The following ATP2C1 variants were observed in gnomAD, a reference collection of about 807,000 sequenced individuals.
ATP2C1 encodes calcium-transporting ATPase type 2C member 1.
In ATP2C1, 31 loss-of-function variants were observed where a neutral mutation model predicts 120.5. The observed-to-expected ratio is 0.26, with a 90% confidence interval of 0.19 to 0.35. The LOEUF is 0.35. Among genes scored for constraint, ATP2C1 ranks in the 10% least tolerant of loss-of-function variants. The probability of loss-of-function intolerance (pLI) is 1.00; values close to 1 mark genes in which losing one functional copy is unlikely to be tolerated. For synonymous variants in ATP2C1, 351 were observed against 358.7 expected, an observed-to-expected ratio of 0.98 and a Z score of 0.24; for missense variants, 731 against 1,107.5, an observed-to-expected ratio of 0.66 and a Z score of 4.83.
Position 131,002,233 on chromosome 3 carries a change from A to C in ATP2C1, c.*883A>C. ...CAAATATCATTTTGTCATCCTCTAA[A>C]TATAAATCCAAATACCTCAGCTAAG... is the stretch of plus-strand genomic sequence containing the variant. On this transcript the variant is annotated 3_prime_UTR_variant, in exon 28 of 28. Transcript: ENST00000510168. 6 of 967,070 alleles carry C rather than the reference A, an allele frequency of 6.2e-6. No homozygotes were observed. The highest frequency in any genetic ancestry group is 7.4e-6 in the Non-Finnish European group (6 of 813,268). The allele number at this position is 967,070 out of a possible 1,614,324, so 59.9% of individuals were successfully genotyped here.
intron 2 of ATP2C1, among the ~76,000 whole-genome samples, chr3:130,917,719 A>G (rs775371035): frequency 5.1e-4 from 77 of 152,242 alleles, no homozygotes; most frequent in Non-Finnish European, 1.0e-3. Flanking sequence ...ATTGTTGGCT[A>G]TAGGTACAAT....
chr3:130,875,786 G>A (rs2068581404), intron 1 of ATP2C1, among the ~76,000 whole-genome samples: 1 of 151,510 alleles, frequency 6.6e-6, no homozygotes, highest in African/African-American at 2.4e-5. Context: ...GCATTTGTTA[G>A]TTTTTGTCTT....
chr3:130,866,896 C>T (rs1269514887), intron 1 of ATP2C1, among the ~76,000 whole-genome samples: 1 of 152,126 alleles, frequency 6.6e-6, no homozygotes, highest in Non-Finnish European at 1.5e-5. Flanking sequence ...TTCTGGCAAC[C>T]TTGCATTGAG....
intron 20 of ATP2C1, among the ~76,000 whole-genome samples, chr3:130,981,494 A>G (rs1012680873): frequency 6.6e-6 from 1 of 152,244 alleles, no homozygotes; most frequent in African/African-American, 2.4e-5. Context: ...GATGCTGTCA[A>G]CATTTGTGTA....
At chr3:131,009,282 A>G (rs2063225839) in intron 26 of ATP2C1, among the ~76,000 whole-genome samples, 1 of 152,250 alleles carries the variant, frequency 6.6e-6, no homozygotes, top group African/African-American at 2.4e-5. Context: ...AGAACATTCT[A>G]AACCAAAACA....
At chr3:130,927,295 C>T (rs913430008) in intron 2 of ATP2C1, among the ~76,000 whole-genome samples, 3 of 149,466 alleles carry the variant, frequency 2.0e-5, no homozygotes, top group South Asian at 2.1e-4. Context: ...GGCTGGAGTG[C>T]AGTGGCGTGA....
chr3:130,895,069 G>A (rs116531024), intron 2 of ATP2C1, among the ~76,000 whole-genome samples: 3,615 of 152,164 alleles, frequency 0.024, 52 homozygotes, highest in Middle Eastern at 0.054. Flanking sequence ...TAGCGTCTGT[G>A]CATGTTTAAA....
chr3:130,962,182 AT>A (rs2060850881), intron 12 of ATP2C1, among the ~76,000 whole-genome samples: 2 of 152,178 alleles, frequency 1.3e-5, no homozygotes, highest in South Asian at 4.1e-4. Context: ...TGGTATGAAT[AT>A]AAAAGTGATT....
chr3:130,919,792 C>A (rs536993454), intron 2 of ATP2C1, among the ~76,000 whole-genome samples: 2 of 152,276 alleles, frequency 1.3e-5, no homozygotes, highest in East Asian at 3.9e-4. Context: ...GTGGCTGCAC[C>A]ATTTTGCATT....
chr3:130,890,207 C>G (rs2069124481), upstream of ATP2C1, among the ~76,000 whole-genome samples: 1 of 152,114 alleles, frequency 6.6e-6, no homozygotes, highest in Non-Finnish European at 1.5e-5. Flanking sequence ...CTTTGTATCT[C>G]AAAACAAATC....
At chr3:130,989,593 T>G (rs1476479610) in intron 20 of ATP2C1, among the ~76,000 whole-genome samples, 1 of 149,994 alleles carries the variant, frequency 6.7e-6, no homozygotes, top group Non-Finnish European at 1.5e-5. Flanking sequence ...ACACAAACCC[T>G]AAAGAACATT....
At position 131,000,375 on chromosome 3, in the gene ATP2C1, A is replaced by G. The variant is rs6439269; in HGVS notation, c.2629+716A>G. Among the ~76,000 whole-genome samples the G allele has an allele frequency of 7.8e-3, 1,195 of 152,264 alleles. 19 individuals are homozygous for G. The highest frequency in any genetic ancestry group is 0.027 in the African/African-American group (1,138 of 41,546). ...TTCAGTATTTTAATTCCATATTCAC[A>G]TTTCTTCCTCTTTTTAAAAAAATGG... On this transcript the variant is annotated intron_variant, in intron 27 of 27. Transcript: ENST00000510168.
intron 20 of ATP2C1, among the ~76,000 whole-genome samples, chr3:130,983,682 T>G (rs1381266808): frequency 6.6e-6 from 1 of 152,228 alleles, no homozygotes; most frequent in Non-Finnish European, 1.5e-5. Flanking sequence ...CCACTCCGCT[T>G]GAATCCTTGA....
intron 8 of ATP2C1, among the ~76,000 whole-genome samples, chr3:130,948,427 A>T (rs1008038188): frequency 6.6e-6 from 1 of 151,346 alleles, no homozygotes; most frequent in Non-Finnish European, 1.5e-5. Context: ...CTTAATGAAA[A>T]TTCTGTTATG....
chr3:130,954,805 A>G (rs747453197), intron 9 of ATP2C1, among the ~76,000 whole-genome samples: 1 of 152,084 alleles, frequency 6.6e-6, no homozygotes, highest in African/African-American at 2.4e-5. Context: ...GTTTAATGTA[A>G]TGTTTGTTTC....
chr3:130,930,206 A>T, intron 2 of ATP2C1: 1 of 563,724 alleles, frequency 1.8e-6, no homozygotes, highest in Non-Finnish European at 3.2e-6. Flanking sequence ...CTGGGCACCG[A>T]TGGCTTAGTT....
intron 20 of ATP2C1, among the ~76,000 whole-genome samples, chr3:130,992,037 G>A (rs919148604): frequency 6.6e-6 from 1 of 152,216 alleles, no homozygotes; most frequent in African/African-American, 2.4e-5. Context: ...TGGAGAGAGT[G>A]ACATGGTAGT....
chr3:130,866,008 A>G (rs1029418053), intron 1 of ATP2C1, among the ~76,000 whole-genome samples: 1 of 152,080 alleles, frequency 6.6e-6, no homozygotes, highest in African/African-American at 2.4e-5. Context: ...TACTTTTTTC[A>G]TATATATCCT....
In ATP2C1 at chr3:130,975,441, A is replaced by G. The variant is rs2061495974; in HGVS notation, c.1523A>G (p.Asp508Gly). 2 of 1,613,756 alleles carry G rather than the reference A, an allele frequency of 1.2e-6. No individual in the cohort carries two copies. The highest frequency in any genetic ancestry group is 1.3e-5 in the African/African-American group (1 of 74,910). Residue 508 changes from aspartate (D) to glycine (G), a missense_variant, in exon 18 of 28, where the codon GAT (aspartate) becomes GGT (glycine). Coordinates refer to ENST00000510168, the MANE Select transcript of ATP2C1 (RefSeq NM_001378687.1). Reference sequence around the variant, plus strand: ...TTGACACTTACTCAGCAGCAGAGAGATGTGTACCAACAAGAGAAGGCACGC... The same window carrying G: ...TTGACACTTACTCAGCAGCAGAGAGGTGTGTACCAACAAGAGAAGGCACGC... ...QTLTLTQQQR[D>G]VYQQEKARMG...
Sources: gnomAD v4.1 joint callset for allele counts (sites outside exome capture counted in the v4.1 genomes callset) on GRCh38, gnomAD v4.1.1 for gene constraint, MANE v1.5 for transcripts, NCBI Gene and HGNC (gene_info 2026-07-23, HGNC 2026-07-21) for gene names.